CENPU: variants seen among roughly 807,000 people sequenced by gnomAD.
CENPU encodes KSHV latent nuclear antigen interacting protein 1.
In CENPU, 46 loss-of-function variants were observed where a neutral mutation model predicts 56.7. The observed-to-expected ratio is 0.81, with a 90% CI of 0.64 to 1.04. CENPU has a LOEUF of 1.04. Among genes scored for constraint, CENPU ranks in the 50% least tolerant of loss-of-function variants. The pLI, the probability that CENPU is intolerant of heterozygous loss-of-function variation, is 0.00. For missense variants in CENPU, 510 were observed against 490.1 expected, an observed-to-expected ratio of 1.04 and a Z score of -0.38; for synonymous variants, 166 against 163.0, an observed-to-expected ratio of 1.02 and a Z score of -0.14.
intron 12 of CENPU, among the ~76,000 whole-genome samples, chr4:184,695,641 G>C (rs998810178): frequency 6.6e-6 from 1 of 152,156 alleles, no homozygotes; most frequent in African/African-American, 2.4e-5. Flanking sequence ...TATCCCAGAA[G>C]ACCAGCTGAT....
intron 3 of CENPU, among the ~76,000 whole-genome samples, chr4:184,727,071 G>A (rs926772276): frequency 3.4e-5 from 5 of 145,668 alleles, no homozygotes; most frequent in South Asian, 2.1e-4. Flanking sequence ...AGCCGAGATC[G>A]CGCCACTGCA....
At position 184,694,529 on chromosome 4, in the gene CENPU, A is replaced by AGTT. The variant is rs778941679; in HGVS notation, c.*756_*758dup. 6.2e-7 allele frequency: 1 copy of AGTT among 1,609,248 alleles called. No homozygotes were observed. Among genetic ancestry groups the AGTT allele is most frequent in the Non-Finnish European group, 8.5e-7 (1 of 1,177,460 alleles). On this transcript the variant is annotated 3_prime_UTR_variant, in exon 13 of 13. Coordinates refer to ENST00000281453, the MANE Select transcript of CENPU (RefSeq NM_024629.4). ...TTCACCACTGAAATAAAGGAAGAAG[A>AGTT]GTTTACAACAGATGAAGCAGATGAA...
chr4:184,699,092 C>T (rs1424773118), intron 11 of CENPU, among the ~76,000 whole-genome samples: 2 of 151,972 alleles, frequency 1.3e-5, no homozygotes, highest in African/African-American at 4.8e-5. Flanking sequence ...CTTTGGGAGG[C>T]CAAGGCAGGC....
At chr4:184,730,859 CA>C in intron 2 of CENPU, 60 bp downstream of exon 2, 1 of 1,361,896 alleles carries the variant, frequency 7.3e-7, no homozygotes, top group Non-Finnish European at 1.0e-6. Context: ...CTGAGGTACC[CA>C]AAAAATGTTA....
chr4:184,700,932 C>G (rs373961679), intron 10 of CENPU, 51 bp from the exon 11 acceptor site: 1 of 1,436,684 alleles, frequency 7.0e-7, no homozygotes, highest in Non-Finnish European at 9.8e-7. Flanking sequence ...TGTTTGAGCA[C>G]TGCCACATAA....
At chr4:184,723,077 G>T (rs1358367687) in intron 4 of CENPU, among the ~76,000 whole-genome samples, 1 of 152,140 alleles carries the variant, frequency 6.6e-6, no homozygotes, top group Admixed American at 6.5e-5. Context: ...GTGGCACTGG[G>T]AGTGACAGCA....
At chr4:184,700,709 G>A in intron 11 of CENPU, 111 bp downstream of exon 11, 1 of 962,584 alleles carries the variant, frequency 1.0e-6, no homozygotes, top group Non-Finnish European at 1.7e-6. Context: ...GGAGCTTGAA[G>A]ATAACCTGGG....
Position 184,700,734 on chromosome 4 carries a change from C to A in CENPU, c.986+86G>T, listed in dbSNP as rs1333895153. The stretch of plus-strand genomic sequence containing the variant: ...GATAACCTGGGGCTTTAATACATCA[C>A]AGCAGCAAGTGTCACTCCCCTAAAT... On this transcript the variant is annotated intron_variant, in intron 11 of 12. Transcript: ENST00000281453. 4 of 1,167,554 alleles carry A rather than the reference C, an allele frequency of 3.4e-6. No homozygotes were observed. In the African/African-American group the frequency reaches 6.0e-5, roughly 18 times the overall value. The allele number at this position is 1,167,554 out of a possible 1,614,324, so 72.3% of individuals were successfully genotyped here.
At chr4:184,705,658 T>A (rs1161799684) in intron 8 of CENPU, among the ~76,000 whole-genome samples, 2 of 152,228 alleles carry the variant, frequency 1.3e-5, no homozygotes, top group Non-Finnish European at 2.9e-5. Context: ...TACATCCATG[T>A]TCATAGCAAC....
At chr4:184,702,561 A>C in intron 8 of CENPU, 120 bp from the exon 9 acceptor site, 1 of 596,814 alleles carries the variant, frequency 1.7e-6, no homozygotes, top group East Asian at 3.1e-5. Context: ...TTATTTTAAA[A>C]ATATCTTTAA....
intron 6 of CENPU, among the ~76,000 whole-genome samples, chr4:184,714,183 A>T (rs1761015208): frequency 6.6e-6 from 1 of 152,220 alleles, no homozygotes; most frequent in Admixed American, 6.5e-5. Context: ...CTTCAAAAAC[A>T]GAGTTGAAAT....
intron 3 of CENPU, among the ~76,000 whole-genome samples, chr4:184,725,544 T>G (rs1761422419): frequency 6.6e-6 from 1 of 152,200 alleles, no homozygotes; most frequent in Non-Finnish European, 1.5e-5. Flanking sequence ...GAAATAAAAA[T>G]ATAAATCGGA....
At chr4:184,696,445 A>T (rs1209376196) in intron 12 of CENPU, among the ~76,000 whole-genome samples, 5 of 152,212 alleles carry the variant, frequency 3.3e-5, no homozygotes, top group Admixed American at 2.0e-4. Flanking sequence ...TTTTAACCAA[A>T]GTATTATGTT....
In CENPU at chr4:184,710,125, G is replaced by A. The variant is rs202006699; in HGVS notation, c.744C>T (p.Ile248=). ...WCPEGMKTSD[I]KELNIVLPEF... ...CAGGCAAAACAATATTCAACTCCTT[G>A]ATGTCACTGGTTTTCATTCCTTCTG... is the stretch of plus-strand genomic sequence containing the variant. Residue 248 remains isoleucine (I), a synonymous_variant, in exon 8 of 13, where the codon ATC becomes ATT. Coordinates refer to ENST00000281453, the MANE Select transcript of CENPU (RefSeq NM_024629.4). 1.2e-6 allele frequency: 2 copies of A among 1,611,626 alleles called. No individual in the cohort carries two copies. Among genetic ancestry groups the A allele is most frequent in the Admixed American group, 3.3e-5 (2 of 59,754 alleles).
At chr4:184,717,227 T>G (rs758564447) in intron 4 of CENPU, 31 bp from the exon 5 acceptor site, 1 of 1,526,086 alleles carries the variant, frequency 6.6e-7, no homozygotes, top group East Asian at 2.3e-5. Context: ...CAATATCTTG[T>G]ACACATTCCA....
rs74501481 is a variant in CENPU, at chr4:184,703,796, T to C, written c.798-1355A>G. The stretch of plus-strand genomic sequence containing the variant: ...TTGATAGATGAATGGATAAAGGAAA[T>C]GTGTTAAAATCATGACCACATAACA... On this transcript the variant is annotated intron_variant, in intron 8 of 12. Transcript: ENST00000281453. 4.5e-3 allele frequency among the ~76,000 whole-genome samples: 691 copies of C among 152,248 alleles called. 3 individuals carry two copies. The highest frequency in any genetic ancestry group is 0.016 in the African/African-American group (668 of 41,546).
chr4:184,715,927 C>A (rs2310106), intron 6 of CENPU, among the ~76,000 whole-genome samples: 5 of 148,546 alleles, frequency 3.4e-5, no homozygotes, highest in Non-Finnish European at 7.4e-5. Context: ...TACCTTCTAG[C>A]TTTTTTTTTG....
At chr4:184,699,925 G>A (rs979674853) in intron 11 of CENPU, among the ~76,000 whole-genome samples, 1 of 152,168 alleles carries the variant, frequency 6.6e-6, no homozygotes, top group Non-Finnish European at 1.5e-5. Context: ...CCAAAGTGCT[G>A]GGATTACAGG....
intron 8 of CENPU, among the ~76,000 whole-genome samples, chr4:184,706,324 T>G (rs1760726566): frequency 6.6e-6 from 1 of 152,150 alleles, no homozygotes; most frequent in Admixed American, 6.5e-5. Flanking sequence ...GGCAACACAG[T>G]GACACCCCCC....
Sources: allele counts gnomAD v4.1 joint callset (sites outside exome capture counted in the v4.1 genomes callset), GRCh38; gene constraint gnomAD v4.1.1; transcripts MANE v1.5; gene names NCBI Gene and HGNC (gene_info 2026-07-23, HGNC 2026-07-21).